Variants in CNTNAP5 observed in about 807,000 individuals in gnomAD.
CNTNAP5 encodes the protein contactin-associated protein-like 5.
A neutral mutation model predicts 150.2 loss-of-function variants in CNTNAP5; 72 were observed. The observed-to-expected ratio is 0.48, with a 90% CI of 0.40 to 0.58. The LOEUF is 0.58. Ranked by LOEUF, CNTNAP5 falls within the 20% of genes least tolerant of loss-of-function variation. The pLI, the probability that CNTNAP5 is intolerant of heterozygous loss-of-function variation, is 0.00. For missense variants in CNTNAP5, 1,636 were observed against 1,626.2 expected (o/e 1.01, Z -0.10); for synonymous variants, 672 against 619.8 (o/e 1.08, Z -1.25).
intron 13 of CNTNAP5, among the ~76,000 whole-genome samples, chr2:124,659,373 A>C (rs1046556265): frequency 1.2e-4 from 19 of 152,180 alleles, no homozygotes; most frequent in African/African-American, 4.6e-4. Context: ...AAGCTTCCTA[A>C]AACTGGTAAA....
chr2:124,139,717 T>C (rs1328965975), intron 1 of CNTNAP5, among the ~76,000 whole-genome samples: 2 of 152,172 alleles, frequency 1.3e-5, no homozygotes, highest in Non-Finnish European at 2.9e-5. Flanking sequence ...TATTTGAGAA[T>C]TCTGTGCCCG....
intron 6 of CNTNAP5, among the ~76,000 whole-genome samples, chr2:124,454,936 A>G (rs1693083429): frequency 6.6e-6 from 1 of 152,146 alleles, no homozygotes; most frequent in African/African-American, 2.4e-5. Context: ...AACTACATCA[A>G]AAAGTCTCAA....
chr2:124,712,899 G>A (rs74863632), intron 13 of CNTNAP5, among the ~76,000 whole-genome samples: 31,042 of 151,928 alleles, frequency 0.2, 3,270 homozygotes, highest in East Asian at 0.24. Flanking sequence ...GGTGTGAGCT[G>A]TTGAGTCTGT....
intron 12 of CNTNAP5, among the ~76,000 whole-genome samples, chr2:124,632,003 C>T (rs1677870712): frequency 6.6e-6 from 1 of 151,942 alleles, no homozygotes; most frequent in Non-Finnish European, 1.5e-5. Flanking sequence ...CAAATCAAAA[C>T]CACAATGAGA....
chr2:124,522,693 TC>T (rs1439423310), intron 8 of CNTNAP5, among the ~76,000 whole-genome samples: 5 of 126,752 alleles, frequency 3.9e-5, no homozygotes, highest in Admixed American at 8.0e-5. Context: ...TTTAAAGTCC[TC>T]CTGGTATGTG....
intron 1 of CNTNAP5, among the ~76,000 whole-genome samples, chr2:124,145,570 C>T (rs1228525315): frequency 1.9e-5 from 1 of 52,316 alleles, no homozygotes; most frequent in African/African-American, 8.0e-5. Flanking sequence ...CGCATATTCT[C>T]ACTCATAGGT....
chr2:124,648,048 C>T (rs1267094189), intron 13 of CNTNAP5, 90 bp downstream of exon 13: 5 of 1,196,930 alleles, frequency 4.2e-6, no homozygotes, highest in Non-Finnish European at 4.7e-6. Context: ...AAGAAGGGGG[C>T]TATAGTTACA....
intron 13 of CNTNAP5, among the ~76,000 whole-genome samples, chr2:124,672,739 C>A (rs12711689): frequency 6.6e-6 from 1 of 151,982 alleles, no homozygotes; most frequent in African/African-American, 2.4e-5. Context: ...AAAATCTCTC[C>A]TATAAATATG....
intron 19 of CNTNAP5, among the ~76,000 whole-genome samples, chr2:124,801,148 T>C (rs1681958082): frequency 6.6e-6 from 1 of 152,138 alleles, no homozygotes; most frequent in Non-Finnish European, 1.5e-5. Context: ...ACTGCAGAGA[T>C]ACAACTAAGA....
intron 20 of CNTNAP5, among the ~76,000 whole-genome samples, chr2:124,869,069 G>T (rs1021589838): frequency 6.6e-6 from 1 of 152,178 alleles, no homozygotes; most frequent in African/African-American, 2.4e-5. Context: ...TGAAGTCCCA[G>T]TGTTGGCTTT....
intron 19 of CNTNAP5, among the ~76,000 whole-genome samples, chr2:124,846,786 C>T (rs981344896): frequency 6.6e-6 from 1 of 152,146 alleles, no homozygotes; most frequent in Non-Finnish European, 1.5e-5. Flanking sequence ...GTGTTCTCCC[C>T]CTTCCCCTAG....
chr2:124,655,225 A>G (rs1422139207), intron 13 of CNTNAP5, among the ~76,000 whole-genome samples: 1 of 151,940 alleles, frequency 6.6e-6, no homozygotes, highest in African/African-American at 2.4e-5. Flanking sequence ...ATTCCCACTT[A>G]TGAGTGGGAA....
chr2:124,115,791 A>AC (rs1683414293), intron 1 of CNTNAP5, among the ~76,000 whole-genome samples: 2 of 63,844 alleles, frequency 3.1e-5, no homozygotes, highest in African/African-American at 1.4e-4. Flanking sequence ...CGCCTGGCTA[A>AC]TTGTGTGTGT....
Position 124,647,774 on chromosome 2 carries a change from A to C in CNTNAP5, c.1893A>C (p.Thr631=), listed in dbSNP as rs374300289. The change falls in exon 13 of 24, where the codon ACA becomes ACC. Residue 631 remains threonine (T), a synonymous_variant. Coordinates refer to ENST00000682447, the MANE Select transcript of CNTNAP5 (RefSeq NM_001367498.1). ...TCTGGGCAGAGGACAAGATCTGGACATCAGTGCAGCACAACAATACAGAGC... is the reference window on the plus strand; with the variant it reads ...TCTGGGCAGAGGACAAGATCTGGACCTCAGTGCAGCACAACAATACAGAGC... The part of the protein sequence containing the change: ...YCNITEDKIW[T]SVQHNNTELT... The C allele has an allele frequency of 6.2e-7, 1 of 1,600,680 alleles. No homozygotes were observed. The highest frequency in any genetic ancestry group is 8.5e-7 in the Non-Finnish European group (1 of 1,169,888).
chr2:124,126,208 C>T (rs891721025), intron 1 of CNTNAP5, among the ~76,000 whole-genome samples: 32 of 151,738 alleles, frequency 2.1e-4, no homozygotes, highest in Admixed American at 5.9e-4. Flanking sequence ...ATCAAATAGA[C>T]GCAATAAAAA....
rs3063417 is a variant in CNTNAP5, at chr2:124,174,110, G to GAAAAAAA, written c.83-47586_83-47580dup. ...CCCACTGTTGAGATTTACTGCTCAG[G>GAAAAAAA]AAAAAAAAAAAAAAAGATTCATTTC... On this transcript the variant is annotated intron_variant, in intron 1 of 23. Coordinates refer to ENST00000682447, the MANE Select transcript of CNTNAP5 (RefSeq NM_001367498.1). 7.7e-5 allele frequency among the ~76,000 whole-genome samples: 11 copies of GAAAAAAA among 143,002 alleles called. No individual in the cohort carries two copies. The South Asian group carries it at 8.9e-4, about 12-fold the overall frequency. 93.8% of individuals were successfully genotyped at this position (143,002 alleles called of 152,430 possible).
At chr2:124,773,238 A>G (rs140741548) in intron 17 of CNTNAP5, among the ~76,000 whole-genome samples, 148 of 152,296 alleles carry the variant, frequency 9.7e-4, no homozygotes, top group African/African-American at 3.3e-3. Flanking sequence ...GAGGTTGTCC[A>G]GATTCTGTAC....
At chr2:124,474,717 G>A (rs769222473) in intron 6 of CNTNAP5, 22 bp from the exon 7 acceptor site, 6 of 1,525,142 alleles carry the variant, frequency 3.9e-6, no homozygotes, top group South Asian at 3.8e-5. Context: ...CTAAGAGTTT[G>A]TTTCTATTTT....
chr2:124,276,416 C>T (rs935731079), intron 3 of CNTNAP5, among the ~76,000 whole-genome samples: 2 of 152,174 alleles, frequency 1.3e-5, no homozygotes, highest in African/African-American at 2.4e-5. Flanking sequence ...AAGAAAACAA[C>T]TGAGTGGAAC....
Sources: gnomAD v4.1 joint callset for allele counts (sites outside exome capture counted in the v4.1 genomes callset) on GRCh38, gnomAD v4.1.1 for gene constraint, MANE v1.5 for transcripts, NCBI Gene and HGNC (gene_info 2026-07-23, HGNC 2026-07-21) for gene names.